The following PBX1 variants were observed in gnomAD, a reference collection of about 807,000 sequenced individuals.
The protein encoded by PBX1 is PBX homeobox 1.
Under a neutral mutation model 53.4 loss-of-function variants are expected in PBX1, and 6 were observed. That is an observed-to-expected ratio of 0.11 (90% CI 0.06 to 0.22). PBX1 has a LOEUF of 0.22. Among genes scored for constraint, PBX1 ranks in the 10% least tolerant of loss-of-function variants. The probability of loss-of-function intolerance (pLI) is 1.00; values close to 1 mark genes in which losing one functional copy is unlikely to be tolerated. For missense variants in PBX1, 251 were observed against 551.4 expected (o/e 0.46, Z 5.46); for synonymous variants, 204 against 212.3 (o/e 0.96, Z 0.34).
chr1:164,706,787 A>C (rs146033686), intron 2 of PBX1, among the ~76,000 whole-genome samples: 1 of 152,224 alleles, frequency 6.6e-6, no homozygotes, highest in African/African-American at 2.4e-5. Context: ...ACTCATAGCT[A>C]AGTGGGGGAA....
chr1:164,773,239 ACG>A (rs1366310813), intron 2 of PBX1, among the ~76,000 whole-genome samples: 71 of 128,482 alleles, frequency 5.5e-4, no homozygotes, highest in Middle Eastern at 3.8e-3. Flanking sequence ...TATAGGTAAC[ACG>A]CGCACACACA....
intron 2 of PBX1, among the ~76,000 whole-genome samples, chr1:164,728,331 AG>A (rs1664811031): frequency 8.2e-6 from 1 of 121,214 alleles, no homozygotes; most frequent in Non-Finnish European, 1.6e-5. Context: ...AAAAAAAAAA[AG>A]AGAGAGAGAG....
intron 2 of PBX1, among the ~76,000 whole-genome samples, chr1:164,689,028 C>T (rs1571224816): frequency 1.3e-5 from 2 of 152,232 alleles, no homozygotes; most frequent in African/African-American, 4.8e-5. Flanking sequence ...CGCAGAGAGG[C>T]AACGACCTTC....
At chr1:164,780,350 G>A (rs969197200) in intron 2 of PBX1, among the ~76,000 whole-genome samples, 8 of 152,156 alleles carry the variant, frequency 5.3e-5, no homozygotes, top group Admixed American at 2.0e-4. Flanking sequence ...CATTATTTTC[G>A]ATAAGTTGCA....
chr1:164,625,156 G>A (rs1474059128), intron 2 of PBX1, among the ~76,000 whole-genome samples: 1 of 152,042 alleles, frequency 6.6e-6, no homozygotes, highest in East Asian at 1.9e-4. Context: ...TTTTTGTTTA[G>A]GATTAAAATG....
At chr1:164,863,660 T>G (rs1291465073) in intron 2 of PBX1, among the ~76,000 whole-genome samples, 6 of 152,176 alleles carry the variant, frequency 3.9e-5, no homozygotes, top group Admixed American at 2.6e-4. Flanking sequence ...GGCTATAAAC[T>G]GACAAATTAG....
chr1:164,615,427 T>A (rs967181425), intron 2 of PBX1, among the ~76,000 whole-genome samples: 2 of 152,202 alleles, frequency 1.3e-5, no homozygotes, highest in African/African-American at 4.8e-5. Context: ...CATTCTTTTT[T>A]TTAGAATAAT....
chr1:164,649,676 T>C (rs10800040), intron 2 of PBX1, among the ~76,000 whole-genome samples: 11,184 of 152,226 alleles, frequency 0.073, 507 homozygotes, highest in South Asian at 0.14. Flanking sequence ...TGCAGCATAC[T>C]GTAGCAAACT....
chr1:164,844,539 T>C (rs1175436043), intron 8 of PBX1, among the ~76,000 whole-genome samples: 1 of 152,192 alleles, frequency 6.6e-6, no homozygotes, highest in Non-Finnish European at 1.5e-5. Flanking sequence ...TTTCCCCAAG[T>C]AGTAGGATTA....
chr1:164,760,929 A>G (rs1666779039), intron 2 of PBX1, among the ~76,000 whole-genome samples: 1 of 152,328 alleles, frequency 6.6e-6, no homozygotes, highest in South Asian at 2.1e-4. Context: ...TTTGGAGCCA[A>G]ATGTATAATC....
At chr1:164,587,419 C>T (rs1033112437) in intron 2 of PBX1, among the ~76,000 whole-genome samples, 4 of 152,074 alleles carry the variant, frequency 2.6e-5, no homozygotes, top group Admixed American at 6.6e-5. Flanking sequence ...TTAATAAGAT[C>T]CCTTTCAGGT....
intron 2 of PBX1, among the ~76,000 whole-genome samples, chr1:164,616,642 T>A (rs925453591): frequency 1.3e-5 from 2 of 152,146 alleles, no homozygotes; most frequent in Non-Finnish European, 2.9e-5. Flanking sequence ...AGGCATATTC[T>A]CTGATAAATA....
intron 2 of PBX1, among the ~76,000 whole-genome samples, chr1:164,629,619 A>G (rs1248142563): frequency 6.6e-6 from 1 of 152,238 alleles, no homozygotes; most frequent in African/African-American, 2.4e-5. Context: ...CCCAGTCTTC[A>G]GTTGGGCTTC....
At chr1:164,811,596 T>A (rs552671005) in intron 5 of PBX1, among the ~76,000 whole-genome samples, 2 of 152,338 alleles carry the variant, frequency 1.3e-5, no homozygotes, top group Non-Finnish European at 2.9e-5. Flanking sequence ...TGTATCTTGA[T>A]GGCATCAAGC....
intron 2 of PBX1, among the ~76,000 whole-genome samples, chr1:164,741,853 C>T (rs1665630620): frequency 6.6e-6 from 1 of 151,740 alleles, no homozygotes. Context: ...AAAAAAATGT[C>T]ACCATCAATT....
chr1:164,855,053 A>T (rs1296728487), downstream of PBX1, among the ~76,000 whole-genome samples: 3 of 148,378 alleles, frequency 2.0e-5, no homozygotes, highest in African/African-American at 5.0e-5. Flanking sequence ...AGCTCAAATG[A>T]TCCTCCCACC....
At chr1:164,593,625 G>A (rs1196317907) in intron 2 of PBX1, among the ~76,000 whole-genome samples, 10 of 93,984 alleles carry the variant, frequency 1.1e-4, no homozygotes, top group South Asian at 5.1e-4. Context: ...TTGTGGCGGC[G>A]GGGTGGGGGC....
At chr1:164,637,404 C>T (rs753746424) in intron 2 of PBX1, among the ~76,000 whole-genome samples, 13 of 152,240 alleles carry the variant, frequency 8.5e-5, no homozygotes, top group South Asian at 6.2e-4. Context: ...GTGAAAGCAG[C>T]GGGGCTGGTC....
chr1:164,585,002 C>T (rs1440072674), intron 2 of PBX1, among the ~76,000 whole-genome samples: 1 of 152,146 alleles, frequency 6.6e-6, no homozygotes, highest in Non-Finnish European at 1.5e-5. Flanking sequence ...CTTCCATCTA[C>T]TACTACTGCT....
Sources: allele counts gnomAD v4.1 joint callset (sites outside exome capture counted in the v4.1 genomes callset), GRCh38; gene constraint gnomAD v4.1.1; transcripts MANE v1.5; gene names NCBI Gene and HGNC (gene_info 2026-07-23, HGNC 2026-07-21).